PABPC4L: variants seen among roughly 807,000 people sequenced by gnomAD.
The protein encoded by PABPC4L is polyadenylate-binding protein 4-like.
For missense variants in PABPC4L, 452 were observed against 451.4 expected (o/e 1.00, Z -0.01); for synonymous variants, 169 against 164.1 (o/e 1.03, Z -0.23).
the PABPC4L span, among the ~76,000 whole-genome samples, chr4:134,150,164 C>A: frequency 2.0e-5 from 3 of 150,676 alleles, no homozygotes; most frequent in African/African-American, 7.3e-5. Flanking sequence ...CTCACTGCAA[C>A]CTCCGCCTCC....
At chr4:133,996,759 G>A in the PABPC4L span, among the ~76,000 whole-genome samples, 230 of 152,178 alleles carry the variant, frequency 1.5e-3, 2 homozygotes, top group African/African-American at 5.0e-3. Flanking sequence ...GCTTAGCACC[G>A]CCAATGACAG....
the PABPC4L span, among the ~76,000 whole-genome samples, chr4:134,036,775 G>A: frequency 1.3e-5 from 2 of 151,964 alleles, no homozygotes; most frequent in Admixed American, 1.3e-4. Context: ...GGGTAATATA[G>A]GCCAATGCAG....
chr4:134,039,828 G>C, the PABPC4L span, among the ~76,000 whole-genome samples: 1 of 151,782 alleles, frequency 6.6e-6, no homozygotes, highest in African/African-American at 2.4e-5. Flanking sequence ...TACATTTAAG[G>C]TTAATAATCT....
the PABPC4L span, among the ~76,000 whole-genome samples, chr4:133,951,439 T>C: frequency 2.0e-5 from 3 of 152,158 alleles, no homozygotes; most frequent in Admixed American, 6.6e-5. Flanking sequence ...ACTCCTAACC[T>C]GATGCGGGGT....
the PABPC4L span, among the ~76,000 whole-genome samples, chr4:134,186,107 C>T: frequency 6.6e-6 from 1 of 152,174 alleles, no homozygotes; most frequent in Non-Finnish European, 1.5e-5. Flanking sequence ...AATGGCCATA[C>T]TGTCCAAGGT....
chr4:134,029,392 T>C, the PABPC4L span, among the ~76,000 whole-genome samples: 7 of 152,064 alleles, frequency 4.6e-5, no homozygotes, highest in Admixed American at 1.3e-4. Flanking sequence ...TGGAAACCCC[T>C]AAGCCTGGTT....
chr4:134,138,704 C>T, the PABPC4L span, among the ~76,000 whole-genome samples: 5 of 151,690 alleles, frequency 3.3e-5, no homozygotes, highest in Non-Finnish European at 5.9e-5. Flanking sequence ...TAAACCCATA[C>T]ATGTGTAAGT....
chr4:134,041,361 T>C, the PABPC4L span, among the ~76,000 whole-genome samples: 1 of 152,106 alleles, frequency 6.6e-6, no homozygotes, highest in Non-Finnish European at 1.5e-5. Context: ...AAAGAAAATA[T>C]GGCACATATA....
chr4:133,964,087 A>G, the PABPC4L span, among the ~76,000 whole-genome samples: 1 of 152,184 alleles, frequency 6.6e-6, no homozygotes, highest in Non-Finnish European at 1.5e-5. Flanking sequence ...AAGATTAACC[A>G]AGAAAGAAGA....
the PABPC4L span, among the ~76,000 whole-genome samples, chr4:134,009,341 T>C: frequency 6.6e-6 from 1 of 152,012 alleles, no homozygotes; most frequent in East Asian, 1.9e-4. Context: ...CACATTTTAC[T>C]TATATTTCCC....
At chr4:134,147,424 GA>G in the PABPC4L span, among the ~76,000 whole-genome samples, 1 of 152,002 alleles carries the variant, frequency 6.6e-6, no homozygotes, top group African/African-American at 2.4e-5. Flanking sequence ...CAAAAACTAT[GA>G]AAAAAATTAA....
the PABPC4L span, among the ~76,000 whole-genome samples, chr4:134,072,116 T>C: frequency 6.6e-6 from 1 of 152,184 alleles, no homozygotes; most frequent in African/African-American, 2.4e-5. Context: ...GTGATTTCTT[T>C]TTGCCTGAAA....
chr4:134,001,504 T>C, the PABPC4L span, among the ~76,000 whole-genome samples: 1 of 152,232 alleles, frequency 6.6e-6, no homozygotes, highest in East Asian at 1.9e-4. Context: ...CTAGTATTAC[T>C]TTCTATATGA....
At chr4:134,003,597 A>G in the PABPC4L span, among the ~76,000 whole-genome samples, 1 of 152,100 alleles carries the variant, frequency 6.6e-6, no homozygotes, top group Non-Finnish European at 1.5e-5. Flanking sequence ...ACTTTATTAA[A>G]AAATAATGAT....
chr4:134,156,408 A>C, the PABPC4L span, among the ~76,000 whole-genome samples: 1 of 152,018 alleles, frequency 6.6e-6, no homozygotes, highest in Admixed American at 6.6e-5. Flanking sequence ...TGACAACATT[A>C]ATGTGGAAAA....
downstream of PABPC4L, among the ~76,000 whole-genome samples, chr4:134,193,319 A>G (rs576960196): frequency 1.5e-4 from 23 of 152,118 alleles, no homozygotes; most frequent in African/African-American, 4.8e-4. Context: ...CCACAAATAA[A>G]TATACCCATC....
chr4:134,045,191 T>C, the PABPC4L span, among the ~76,000 whole-genome samples: 1 of 152,174 alleles, frequency 6.6e-6, no homozygotes, highest in Non-Finnish European at 1.5e-5. Flanking sequence ...AACTGATAGA[T>C]TGCACAAAAT....
At chr4:134,015,672 T>TTC in the PABPC4L span, among the ~76,000 whole-genome samples, 2 of 152,036 alleles carry the variant, frequency 1.3e-5, no homozygotes, top group East Asian at 3.9e-4. Flanking sequence ...CCTCAATCCC[T>TTC]TACAAAACAA....
chr4:133,971,446 C>T, the PABPC4L span, among the ~76,000 whole-genome samples: 2 of 152,182 alleles, frequency 1.3e-5, no homozygotes, highest in East Asian at 1.9e-4. Context: ...TTTATTGTTA[C>T]TACAAAAACC....
Sources: gnomAD v4.1 joint callset for allele counts (sites outside exome capture counted in the v4.1 genomes callset) on GRCh38, gnomAD v4.1.1 for gene constraint, MANE v1.5 for transcripts, NCBI Gene and HGNC (gene_info 2026-07-23, HGNC 2026-07-21) for gene names.